The following MINK1 variants were observed in gnomAD, a reference collection of about 807,000 sequenced individuals.
The protein encoded by MINK1 is misshapen like kinase 1.
A neutral mutation model predicts 178.4 loss-of-function variants in MINK1; 46 were observed. The ratio of observed to expected loss-of-function variants is 0.26; its 90% CI spans 0.20 to 0.33. MINK1 has a LOEUF of 0.33. MINK1 is among the 10% of genes least tolerant of loss of function. MINK1 has a pLI of 1.00. For synonymous variants in MINK1, 797 were observed against 709.7 expected (o/e 1.12, Z -1.96); for missense variants, 1,366 against 1,814.9 (o/e 0.75, Z 4.49).
intron 12 of MINK1, among the ~76,000 whole-genome samples, chr17:4,889,239 G>T (rs545173393): frequency 6.6e-6 from 1 of 152,164 alleles, no homozygotes. Flanking sequence ...TCTGTGCACG[G>T]GCACCTGGTG....
rs1379028932 is a variant in MINK1 at position 4,893,553 on chromosome 17, C to T, written c.2520C>T (p.Gly840=). The T allele has an allele frequency of 3.2e-6, 5 of 1,586,960 alleles. No individual in the cohort carries two copies. The highest frequency in any genetic ancestry group is 3.4e-5 in the Admixed American group (2 of 58,056). ...GCAGTGAGGACGACGAGGAGGAAGG[C>T]GAAGGCGGGCCAGCAGAGGGGAGCA... ...VESSEDDEEE[G]EGGPAEGSRD... is the part of the protein sequence containing the mutation. Residue 840 remains glycine (G), a synonymous_variant, in exon 21 of 32, where the codon GGC becomes GGT. Transcript: ENST00000355280.
chr17:4,851,857 G>T (rs1049285239), intron 1 of MINK1, among the ~76,000 whole-genome samples: 2 of 151,986 alleles, frequency 1.3e-5, no homozygotes, highest in Non-Finnish European at 2.9e-5. Context: ...AAAATTAGCC[G>T]GGTGTGGTGG....
chr17:4,855,094 G>A (rs914782334), intron 1 of MINK1, among the ~76,000 whole-genome samples: 18 of 151,178 alleles, frequency 1.2e-4, no homozygotes, highest in Non-Finnish European at 1.9e-4. Flanking sequence ...TATAGTCCCA[G>A]CTATTACTAT....
chr17:4,891,806 A>C (rs920144912), intron 16 of MINK1, 90 bp downstream of exon 16: 11 of 1,459,310 alleles, frequency 7.5e-6, no homozygotes, highest in African/African-American at 1.4e-5. Flanking sequence ...ATGGAGGAAG[A>C]GTGCAGGGCG....
At chr17:4,875,858 T>G (rs1468913766) in intron 1 of MINK1, among the ~76,000 whole-genome samples, 1 of 148,620 alleles carries the variant, frequency 6.7e-6, no homozygotes, top group Non-Finnish European at 1.5e-5. Flanking sequence ...TGCAGTGGTG[T>G]GATCTCGGCT....
At position 4,867,616 on chromosome 17, in the gene MINK1, A is replaced by G. The variant is rs181244923; in HGVS notation, c.58-10701A>G. Among the ~76,000 whole-genome samples the G allele has an allele frequency of 4.6e-5, 7 of 152,258 alleles. No homozygotes were observed. In the East Asian group the frequency reaches 1.4e-3, roughly 30 times the overall value. On this transcript the variant is annotated intron_variant, in intron 1 of 31. Coordinates refer to ENST00000355280, the MANE Select transcript of MINK1 (RefSeq NM_153827.5). ...GGAGTTTGAGGCCAGCCTGGCCAAC[A>G]TGGCGAAACCCCATCTCTACTAAAA...
intron 1 of MINK1, among the ~76,000 whole-genome samples, chr17:4,876,345 G>A (rs1305354974): frequency 6.6e-6 from 1 of 150,638 alleles, no homozygotes; most frequent in Non-Finnish European, 1.5e-5. Context: ...ACAAGTAAAT[G>A]TAGAGCACAA....
chr17:4,844,069 C>T (rs1261481483), intron 1 of MINK1, among the ~76,000 whole-genome samples: 1 of 152,160 alleles, frequency 6.6e-6, no homozygotes, highest in East Asian at 1.9e-4. Flanking sequence ...GTGGTGCGAT[C>T]TAGGCTCACT....
chr17:4,896,888 G>A lies in MINK1; in HGVS notation c.3915+75G>A. The A allele has an allele frequency of 6.7e-7, 1 of 1,488,836 alleles. No individual in the cohort carries two copies. Among genetic ancestry groups the A allele is most frequent in the Non-Finnish European group, 8.9e-7 (1 of 1,120,802 alleles). 92.2% of individuals were successfully genotyped at this position (1,488,836 alleles called of 1,614,324 possible). On this transcript the variant is annotated intron_variant, in intron 31 of 31. Transcript: ENST00000355280. This position sits in a 1 kb window ranked among gnomAD's most constrained non-coding sequence, Gnocchi z 4.6. Reference sequence around the variant, plus strand: ...CCTAGGCCCCTGGGCAGAGTTCTGGGGAGAGGATGGTGGTGGTGGCTTCCT... The same window carrying A: ...CCTAGGCCCCTGGGCAGAGTTCTGGAGAGAGGATGGTGGTGGTGGCTTCCT...
rs780528504 is a variant in MINK1, at chr17:4,886,572, C to T, written c.895C>T (p.Arg299Cys). 2 of 1,612,282 alleles carry T rather than the reference C, an allele frequency of 1.2e-6. No homozygotes were observed. The highest frequency in any genetic ancestry group is 1.7e-6 in the Non-Finnish European group (2 of 1,179,226). ...IRDQPTERQV[R>C]IQLKDHIDRS... The stretch of plus-strand genomic sequence containing the variant: ...GGACCAGCCCACGGAGCGGCAGGTC[C>T]GCATCCAGCTTAAGGACCACATTGA... Residue 299 changes from arginine (R) to cysteine (C), a missense_variant, in exon 10 of 32, where the codon CGC (arginine) becomes TGC (cysteine). This residue lies in a region of MINK1 where 23 missense variants were observed against 30.2 expected (regional missense o/e 0.76). Transcript: ENST00000355280. The surrounding 1 kb of genome is among the most constrained non-coding windows in gnomAD (Gnocchi z 6.1).
In MINK1 at chr17:4,896,143, A is replaced by C; in HGVS notation, c.3465+40A>C. ...GGTCCCTAACACCATCTGGAGTCCC[A>C]GCGCCTCTCCCCGTGCCCCTGAGCC... On this transcript the variant is annotated intron_variant, in intron 28 of 31. Coordinates refer to ENST00000355280, the MANE Select transcript of MINK1 (RefSeq NM_153827.5). This position sits in a 1 kb window ranked among gnomAD's most constrained non-coding sequence, Gnocchi z 4.6. 1 of 1,606,384 alleles carries C rather than the reference A, an allele frequency of 6.2e-7. No individual in the cohort carries two copies. The highest frequency in any genetic ancestry group is 1.1e-5 in the South Asian group (1 of 90,120).
At chr17:4,845,739 G>A (rs921495270) in intron 1 of MINK1, among the ~76,000 whole-genome samples, 10 of 151,900 alleles carry the variant, frequency 6.6e-5, no homozygotes, top group African/African-American at 2.2e-4. Flanking sequence ...GGGTTCAAGC[G>A]ATTCTCCTGC....
intron 1 of MINK1, among the ~76,000 whole-genome samples, chr17:4,858,974 C>T (rs112019488): frequency 3.3e-5 from 5 of 150,968 alleles, no homozygotes; most frequent in Non-Finnish European, 7.4e-5. Context: ...GGATTCCCCC[C>T]GGCCCCTCCC....
intron 1 of MINK1, among the ~76,000 whole-genome samples, chr17:4,873,728 C>G (rs1047936187): frequency 6.7e-6 from 1 of 150,196 alleles, no homozygotes; most frequent in African/African-American, 2.4e-5. Context: ...AAGCGATTCT[C>G]CTGCCTCAGC....
intron 1 of MINK1, among the ~76,000 whole-genome samples, chr17:4,852,741 A>C (rs2150815824): frequency 3.9e-5 from 2 of 51,130 alleles, no homozygotes; most frequent in Non-Finnish European, 7.6e-5. Flanking sequence ...GGGAGACAGA[A>C]TCTACTGGGT....
At chr17:4,892,557 C>A in intron 18 of MINK1, 45 bp downstream of exon 18, 1 of 1,539,950 alleles carries the variant, frequency 6.5e-7, no homozygotes, top group South Asian at 1.2e-5. Context: ...TCACTTCTGC[C>A]ACCCGCTTCC....
At chr17:4,851,722 C>T (rs1344644696) in intron 1 of MINK1, among the ~76,000 whole-genome samples, 1 of 151,914 alleles carries the variant, frequency 6.6e-6, no homozygotes, top group East Asian at 1.9e-4. Flanking sequence ...ACTCTCGGGC[C>T]GTGCGTGGTG....
rs772442734 is a variant in MINK1, at chr17:4,896,750, C to T, written c.3852C>T (p.Leu1284=). 3.2e-5 allele frequency: 51 copies of T among 1,601,108 alleles called. 1 individual carries two copies. The South Asian group carries it at 4.2e-4, about 13-fold the overall frequency. The stretch of plus-strand genomic sequence containing the variant: ...TCCGCTCTGTGGAGACGGGCCACCT[C>T]GACGGGGTCTTCATGCACAAACGAG... The part of the protein sequence containing the change: ...IEIRSVETGH[L]DGVFMHKRAQ... Residue 1284 remains leucine, a synonymous_variant, in exon 31 of 32, where the codon CTC becomes CTT. Transcript: ENST00000355280. The surrounding 1 kb of genome is among the most constrained non-coding windows in gnomAD (Gnocchi z 4.6).
At chr17:4,850,519 G>T (rs1000392351) in intron 1 of MINK1, among the ~76,000 whole-genome samples, 1 of 144,892 alleles carries the variant, frequency 6.9e-6, no homozygotes, top group South Asian at 2.2e-4. Flanking sequence ...CTTCCTGCTG[G>T]CCCCCCCCGC....
Sources: allele counts gnomAD v4.1 joint callset (sites outside exome capture counted in the v4.1 genomes callset), GRCh38; gene constraint gnomAD v4.1.1; regional missense constraint gnomAD v4.1.1; non-coding constraint Gnocchi (gnomAD v3.1); transcripts MANE v1.5; gene names NCBI Gene and HGNC (gene_info 2026-07-23, HGNC 2026-07-21).